ZNF44: variants seen among roughly 807,000 people sequenced by gnomAD.
The protein encoded by ZNF44 is gonadotropin inducible transcription repressor-2.
Under a neutral mutation model 11.7 loss-of-function variants are expected in ZNF44, and 9 were observed. The ratio of observed to expected loss-of-function variants is 0.77; its 90% CI spans 0.46 to 1.35. ZNF44 has a LOEUF of 1.35. ZNF44 is among the 40% of genes most tolerant of loss of function. ZNF44 has a pLI of 0.00. For missense variants in ZNF44, 696 were observed against 743.1 expected (o/e 0.94, Z 0.74); for synonymous variants, 224 against 242.7 (o/e 0.92, Z 0.72).
chr19:12,248,418 C>CTG (rs1295766988), exon 8 of ZNF44: 2 of 1,290,908 alleles, frequency 1.5e-6, no homozygotes, highest in Non-Finnish European at 1.0e-6. Flanking sequence ...CTGCAGATAA[C>CTG]TGAAGGGTTT....
At chr19:12,284,946 A>G (rs550432820) in intron 1 of ZNF44, 8 of 730,590 alleles carry the variant, frequency 1.1e-5, no homozygotes, top group African/African-American at 5.2e-5. Context: ...GAAGCTGCTC[A>G]TGATGGCTGG....
At chr19:12,248,840 C>T (rs1343950173) in intron 7 of ZNF44, among the ~76,000 whole-genome samples, 1 of 151,718 alleles carries the variant, frequency 6.6e-6, no homozygotes, top group Admixed American at 6.6e-5. Context: ...TATGGCCCTG[C>T]AAGAGGGCTC....
At chr19:12,263,730 C>A (rs9676932) in intron 5 of ZNF44, among the ~76,000 whole-genome samples, 27,335 of 151,590 alleles carry the variant, frequency 0.18, 2,532 homozygotes, top group East Asian at 0.27. Context: ...TCGAGACCAT[C>A]CTGGCTAACA....
intron 5 of ZNF44, among the ~76,000 whole-genome samples, chr19:12,251,872 A>T (rs1283007419): frequency 6.6e-6 from 1 of 151,920 alleles, no homozygotes; most frequent in Non-Finnish European, 1.5e-5. Flanking sequence ...ACCAACATGG[A>T]GAAACCCTGT....
At position 12,273,239 on chromosome 19, in the gene ZNF44, C is replaced by T; in HGVS notation, c.1016G>A (p.Cys339Tyr). The change falls in exon 4 of 4, where the codon TGT (cysteine) becomes TAT (tyrosine). Residue 339 changes from cysteine (C) to tyrosine (Y), a missense_variant. Coordinates refer to ENST00000355684, the MANE Select transcript of ZNF44 (RefSeq NM_016264.4). ...ATCAAAGCCTTTCCCACATATCTTA[C>T]ATTTATGAGGTCCATCTCCACTGTG... is the stretch of plus-strand genomic sequence containing the variant. ...IMHSGDGPHK[C>Y]KICGKGFDFP... is the part of the protein sequence containing the mutation. 6.2e-7 allele frequency: 1 copy of T among 1,614,072 alleles called. No homozygotes were observed. Among genetic ancestry groups the T allele is most frequent in the Non-Finnish European group, 8.5e-7 (1 of 1,179,978 alleles).
intron 5 of ZNF44, among the ~76,000 whole-genome samples, chr19:12,266,091 C>T (rs1445893860): frequency 6.6e-6 from 1 of 152,116 alleles, no homozygotes; most frequent in Non-Finnish European, 1.5e-5. Context: ...ACAGGACGCC[C>T]GGGGTCCCGA....
intron 5 of ZNF44, among the ~76,000 whole-genome samples, chr19:12,255,046 G>A (rs1479573210): frequency 1.3e-5 from 2 of 151,770 alleles, no homozygotes; most frequent in Non-Finnish European, 2.9e-5. Context: ...CCAAGATCGT[G>A]CCACTGCACT....
At chr19:12,225,321 T>C (rs1172984850), downstream of ZNF44, 1 of 152,332 alleles carries the variant, frequency 6.6e-6, no homozygotes, top group Non-Finnish European at 1.5e-5. Flanking sequence ...ATTAGTCCCA[T>C]AATTAGGTAT....
chr19:12,265,868 T>G (rs1218606161), intron 5 of ZNF44, among the ~76,000 whole-genome samples: 1 of 152,212 alleles, frequency 6.6e-6, no homozygotes, highest in East Asian at 1.9e-4. Context: ...GACTTTATGG[T>G]ATAACAAAAC....
chr19:12,240,069 G>T (rs920670194), upstream of ZNF44, among the ~76,000 whole-genome samples: 3 of 152,162 alleles, frequency 2.0e-5, no homozygotes, highest in African/African-American at 7.2e-5. Flanking sequence ...TTCATGGATT[G>T]TAAGACTTCC....
Position 12,256,849 on chromosome 19 carries a change from C to T in ZNF44, c.1913-6481G>A, listed in dbSNP as rs993091079. ...CCTCCCAAGTAGCTGGGATTACAGG[C>T]GCTCACCATCACACCGGGCAAATTT... is the stretch of plus-strand genomic sequence containing the variant. On this transcript the variant is annotated intron_variant and NMD_transcript_variant, in intron 5 of 7. Transcript: ENST00000393337. 4.6e-5 allele frequency among the ~76,000 whole-genome samples: 7 copies of T among 151,910 alleles called. No homozygotes were observed. In the East Asian group the frequency reaches 5.8e-4, roughly 13 times the overall value.
At chr19:12,274,573 CTTTT>C (rs561043995) in intron 3 of ZNF44, among the ~76,000 whole-genome samples, 1 of 141,544 alleles carries the variant, frequency 7.1e-6, no homozygotes, top group African/African-American at 2.6e-5. Context: ...TGCGCCTGGC[CTTTT>C]TTTTTTTTTT....
chr19:12,276,283 G>A (rs781666480), intron 1 of ZNF44: 68 of 718,272 alleles, frequency 9.5e-5, no homozygotes, highest in Admixed American at 7.9e-4. Context: ...TAAAATAACA[G>A]TTGAGTAGGA....
At chr19:12,270,519 T>C (rs1385305972), downstream of ZNF44, among the ~76,000 whole-genome samples, 3 of 151,924 alleles carry the variant, frequency 2.0e-5, no homozygotes, top group Non-Finnish European at 4.4e-5. Flanking sequence ...TGGTAGGATC[T>C]TGGCTCACTG....
At chr19:12,250,416 C>T in intron 5 of ZNF44, 2 of 1,299,248 alleles carry the variant, frequency 1.5e-6, no homozygotes, top group Non-Finnish European at 2.0e-6. Context: ...AGACTGACAG[C>T]ACTGGACATC....
chr19:12,280,302 TGA>T (rs1442348599), intron 1 of ZNF44, among the ~76,000 whole-genome samples: 1 of 152,136 alleles, frequency 6.6e-6, no homozygotes, highest in Non-Finnish European at 1.5e-5. Context: ...ATGTTATATG[TGA>T]TGGGAGGAAG....
At chr19:12,252,009 C>T (rs1347435434) in intron 5 of ZNF44, among the ~76,000 whole-genome samples, 1 of 151,214 alleles carries the variant, frequency 6.6e-6, no homozygotes. Flanking sequence ...CTAGATCGCA[C>T]CATTGCACTC....
At chr19:12,245,081 C>A (rs1183576758), downstream of ZNF44, among the ~76,000 whole-genome samples, 3 of 152,120 alleles carry the variant, frequency 2.0e-5, no homozygotes, top group African/African-American at 7.2e-5. Flanking sequence ...AAATTAGATT[C>A]ATGAGAAAAA....
chr19:12,250,683 C>A (rs1916955154), intron 5 of ZNF44: 3 of 424,274 alleles, frequency 7.1e-6, no homozygotes, highest in South Asian at 1.7e-5. Flanking sequence ...GTGAGAAAAA[C>A]TCATCTTCTT....
Sources: allele counts gnomAD v4.1 joint callset (sites outside exome capture counted in the v4.1 genomes callset), GRCh38; gene constraint gnomAD v4.1.1; transcripts MANE v1.5; gene names NCBI Gene and HGNC (gene_info 2026-07-23, HGNC 2026-07-21).